COX7B2: variants seen among roughly 807,000 people sequenced by gnomAD.
COX7B2 encodes cytochrome c oxidase subunit 7B2.
For missense variants in COX7B2, 109 were observed against 95.9 expected (o/e 1.14, Z -0.57); for synonymous variants, 37 against 32.1 (o/e 1.15, Z -0.51).
At chr4:46,873,557 G>A (rs934731976) in intron 1 of COX7B2, among the ~76,000 whole-genome samples, 8 of 152,080 alleles carry the variant, frequency 5.3e-5, no homozygotes, top group Admixed American at 2.6e-4. Flanking sequence ...ATTTGCATTT[G>A]TCTAACGACC....
chr4:46,758,070 A>C (rs767462961), intron 2 of COX7B2, among the ~76,000 whole-genome samples: 30 of 152,074 alleles, frequency 2.0e-4, no homozygotes, highest in Non-Finnish European at 3.4e-4. Flanking sequence ...TGGTAATTTC[A>C]TTCTATAAGT....
chr4:46,854,376 G>T (rs150374338), intron 1 of COX7B2, among the ~76,000 whole-genome samples: 1 of 152,122 alleles, frequency 6.6e-6, no homozygotes, highest in Non-Finnish European at 1.5e-5. Flanking sequence ...CAGATTTGAC[G>T]GTATGAATAG....
chr4:46,811,819 C>T (rs1048278024), intron 2 of COX7B2, among the ~76,000 whole-genome samples: 2 of 152,106 alleles, frequency 1.3e-5, no homozygotes, highest in African/African-American at 2.4e-5. Context: ...AGGTTGAACA[C>T]GGTGCAAGCA....
At position 46,852,462 on chromosome 4, in the gene COX7B2, AC is replaced by A. The variant is rs200433911; in HGVS notation, c.-104-7449del. 5.5e-3 allele frequency among the ~76,000 whole-genome samples: 829 copies of A among 152,044 alleles called. 8 individuals carry two copies. Among genetic ancestry groups the A allele is most frequent in the African/African-American group, 0.019 (771 of 41,486 alleles). ...CTTTTCTGGGTAGTGGTGTTTAAGG[AC>A]CAAAGTCTAGGTGCTAGGAATCATC... On this transcript the variant is annotated intron_variant, in intron 1 of 2. Coordinates refer to ENST00000355591, the MANE Select transcript of COX7B2 (RefSeq NM_130902.3).
At chr4:46,792,500 C>G (rs990891396) in intron 2 of COX7B2, among the ~76,000 whole-genome samples, 12 of 152,166 alleles carry the variant, frequency 7.9e-5, no homozygotes, top group African/African-American at 2.9e-4. Context: ...CTCTTTCTCT[C>G]TCTCCCCCTG....
chr4:46,845,283 G>A (rs1286470522), intron 1 of COX7B2, among the ~76,000 whole-genome samples: 1 of 151,912 alleles, frequency 6.6e-6, no homozygotes, highest in Non-Finnish European at 1.5e-5. Context: ...CCATGTGGTT[G>A]AGATAACTCT....
chr4:46,800,696 A>G (rs1459424561), intron 2 of COX7B2, among the ~76,000 whole-genome samples: 1 of 152,208 alleles, frequency 6.6e-6, no homozygotes, highest in African/African-American at 2.4e-5. Flanking sequence ...AGGACCTGGT[A>G]AAGATTTCAT....
At chr4:46,826,531 T>C (rs1469272878) in intron 2 of COX7B2, among the ~76,000 whole-genome samples, 11 of 151,906 alleles carry the variant, frequency 7.2e-5, no homozygotes, top group Admixed American at 7.2e-4. Context: ...AAAATATAAA[T>C]TATTCTACCA....
chr4:46,814,220 T>C (rs1341114563), intron 2 of COX7B2, among the ~76,000 whole-genome samples: 1 of 152,226 alleles, frequency 6.6e-6, no homozygotes, highest in Non-Finnish European at 1.5e-5. Context: ...AAAGACTTAT[T>C]TGCCTAATCT....
rs141007875 is a variant in COX7B2, at chr4:46,785,178, G to A, written c.-49-49937C>T. On this transcript the variant is annotated intron_variant, in intron 2 of 2. Transcript: ENST00000355591. Reference sequence around the variant, plus strand: ...TCATTGCTTGTGCAGCTATTGTCTCGTGTACTGACAAATCAGTAGAACTAC... The same window carrying A: ...TCATTGCTTGTGCAGCTATTGTCTCATGTACTGACAAATCAGTAGAACTAC... Among the ~76,000 whole-genome samples the A allele has an allele frequency of 1.3e-3, 193 of 152,156 alleles. 1 individual carries two copies. The highest frequency in any genetic ancestry group is 4.3e-3 in the African/African-American group (180 of 41,506).
rs149299855 is a variant in COX7B2 at position 46,771,096 on chromosome 4, G to T, written c.-49-35855C>A. On this transcript the variant is annotated intron_variant, in intron 2 of 2. Coordinates refer to ENST00000355591, the MANE Select transcript of COX7B2 (RefSeq NM_130902.3). ...GGTGCTAATATCCAAAATATATAAG[G>T]AACTCAAATAATACAACAGCAATAA... Among the ~76,000 whole-genome samples, 155 of 152,022 alleles carry T rather than the reference G, an allele frequency of 1.0e-3. 2 individuals are homozygous for T. In the East Asian group the frequency reaches 0.028, roughly 27 times the overall value.
At chr4:46,873,285 C>T (rs537262202) in intron 1 of COX7B2, among the ~76,000 whole-genome samples, 5 of 152,192 alleles carry the variant, frequency 3.3e-5, no homozygotes, top group South Asian at 2.1e-4. Context: ...AATAAACATA[C>T]GTATGCATGT....
At chr4:46,792,249 G>A (rs547809361) in intron 2 of COX7B2, among the ~76,000 whole-genome samples, 1 of 152,308 alleles carries the variant, frequency 6.6e-6, no homozygotes, top group East Asian at 1.9e-4. Flanking sequence ...ATTCTTGTAA[G>A]GCATTCTCAC....
intron 2 of COX7B2, among the ~76,000 whole-genome samples, chr4:46,819,108 T>G (rs1019519422): frequency 6.6e-6 from 1 of 152,198 alleles, no homozygotes; most frequent in African/African-American, 2.4e-5. Context: ...TAAAAAACCA[T>G]GTAGCCTTCT....
At position 46,813,943 on chromosome 4, in the gene COX7B2, C is replaced by T. The variant is rs552414137; in HGVS notation, c.-50+31017G>A. 9.9e-5 allele frequency among the ~76,000 whole-genome samples: 15 copies of T among 152,160 alleles called. No homozygotes were observed. The South Asian group carries it at 2.5e-3, about 25-fold the overall frequency. ...AAATATATGAAAAAAAGTTCAATATCGCTAATCCTCAGAGAAATGAAAATC... is the reference window on the plus strand; with the variant it reads ...AAATATATGAAAAAAAGTTCAATATTGCTAATCCTCAGAGAAATGAAAATC... On this transcript the variant is annotated intron_variant, in intron 2 of 2. Coordinates refer to ENST00000355591, the MANE Select transcript of COX7B2 (RefSeq NM_130902.3).
chr4:46,737,832 C>A (rs1560342108), intron 2 of COX7B2, among the ~76,000 whole-genome samples: 3 of 152,082 alleles, frequency 2.0e-5, no homozygotes, highest in Admixed American at 1.3e-4. Context: ...TGAGATTTTC[C>A]AGCTCAGAAG....
rs574172146 is a variant in COX7B2, at chr4:46,907,652, A to C, written c.-105+1508T>G. ...TCCTATGGGTGGAGTCACAGTGTGA[A>C]TCTCAAAGATCAAAAGTTATGACCA... On this transcript the variant is annotated intron_variant, in intron 1 of 2. Coordinates refer to ENST00000355591, the MANE Select transcript of COX7B2 (RefSeq NM_130902.3). 2.6e-5 allele frequency among the ~76,000 whole-genome samples: 4 copies of C among 152,146 alleles called. No homozygotes were observed. In the East Asian group the frequency reaches 7.8e-4, roughly 30 times the overall value.
At chr4:46,876,197 A>T (rs1560432208) in intron 1 of COX7B2, among the ~76,000 whole-genome samples, 1 of 152,226 alleles carries the variant, frequency 6.6e-6, no homozygotes, top group Non-Finnish European at 1.5e-5. Context: ...CTGTACAATT[A>T]CCAGGGATAG....
At chr4:46,905,810 A>ATTTTTTT (rs1172630222) in intron 1 of COX7B2, among the ~76,000 whole-genome samples, 16 of 60,442 alleles carry the variant, frequency 2.6e-4, no homozygotes, top group Non-Finnish European at 4.5e-4. Flanking sequence ...ATAAGCATAT[A>ATTTTTTT]TTTCTTTTTT....
Sources: gnomAD v4.1 joint callset for allele counts (sites outside exome capture counted in the v4.1 genomes callset) on GRCh38, gnomAD v4.1.1 for gene constraint, MANE v1.5 for transcripts, NCBI Gene and HGNC (gene_info 2026-07-23, HGNC 2026-07-21) for gene names.